SCN11A: variants seen among roughly 807,000 people sequenced by gnomAD.
SCN11A encodes the protein sodium voltage-gated channel alpha subunit 11, also known as sodium channel protein type 11 subunit alpha.
In SCN11A, 122 loss-of-function variants were observed where a neutral mutation model predicts 162.2. The ratio of observed to expected loss-of-function variants is 0.75; its 90% CI spans 0.65 to 0.87. The LOEUF is 0.87. Ranked by LOEUF, SCN11A falls within the 40% of genes least tolerant of loss-of-function variation. The probability of loss-of-function intolerance (pLI) is 0.00; values close to 1 mark genes in which losing one functional copy is unlikely to be tolerated. For missense variants in SCN11A, 2,015 were observed against 2,181.6 expected (o/e 0.92, Z 1.52); for synonymous variants, 758 against 751.5 (o/e 1.01, Z -0.14).
In SCN11A at chr3:38,904,012, G is replaced by A. The variant is rs1373723382; in HGVS notation, c.1695C>T (p.Cys565=). The change falls in exon 16 of 30, where the codon TGC becomes TGT. Residue 565 remains cysteine, a synonymous_variant. Coordinates refer to ENST00000302328, the MANE Select transcript of SCN11A (RefSeq NM_001349253.2). ...LVWNCCPQWL[C]VKKVLRTVMT... ...TCACAGTTCTCAGGACCTTCTTAAC[G>A]CACAGCCACTGGGGGCAACAGTTCC... 1.9e-6 allele frequency: 3 copies of A among 1,613,040 alleles called. No individual in the cohort carries two copies. The highest frequency in any genetic ancestry group is 1.7e-5 in the Admixed American group (1 of 59,818).
Position 38,885,380 on chromosome 3 carries a change from A to G in SCN11A, c.2972T>C (p.Leu991Pro), listed in dbSNP as rs1268207171. Reference sequence around the variant, plus strand: ...AAGATCAATGGTGCTACATTCTGATAGTATACTGGTAACATCAGACTTCTG... The same window carrying G: ...AAGATCAATGGTGCTACATTCTGATGGTATACTGGTAACATCAGACTTCTG... The part of the protein sequence containing the change: ...PRKKSDVTSI[L>P]SECSTIDLQD... Residue 991 changes from leucine (L) to proline (P), a missense_variant, in exon 21 of 30, where the codon CTA (leucine) becomes CCA (proline). Physicochemically the swap from Leu to Pro is moderately conservative, Grantham distance 98. Coordinates refer to ENST00000302328, the MANE Select transcript of SCN11A (RefSeq NM_001349253.2). The G allele has an allele frequency of 6.2e-7, 1 of 1,606,918 alleles. No homozygotes were observed. The highest frequency in any genetic ancestry group is 1.7e-5 in the Admixed American group (1 of 60,004).
intron 1 of SCN11A, among the ~76,000 whole-genome samples, chr3:39,034,378 G>T (rs775976015): frequency 1.3e-5 from 2 of 152,020 alleles, no homozygotes; most frequent in Non-Finnish European, 2.9e-5. Context: ...TTGATGCTGA[G>T]AAAGCATTTG....
chr3:39,043,991 C>T (rs186663705), intron 1 of SCN11A, among the ~76,000 whole-genome samples: 78 of 151,914 alleles, frequency 5.1e-4, no homozygotes, highest in African/African-American at 1.4e-3. Flanking sequence ...TATGTACCCA[C>T]GAAAGTTAAA....
intron 26 of SCN11A, among the ~76,000 whole-genome samples, chr3:38,870,203 T>C (rs2065102650): frequency 6.6e-6 from 1 of 152,184 alleles, no homozygotes; most frequent in African/African-American, 2.4e-5. Context: ...TTAACTAAAA[T>C]TCAACAGCTG....
At chr3:38,937,958 T>G (rs1323881030) in intron 7 of SCN11A, among the ~76,000 whole-genome samples, 1 of 152,028 alleles carries the variant, frequency 6.6e-6, no homozygotes. Flanking sequence ...CTATTCACAA[T>G]AGCAAATACT....
chr3:39,034,110 C>G (rs2031836448), intron 1 of SCN11A, among the ~76,000 whole-genome samples: 1 of 151,966 alleles, frequency 6.6e-6, no homozygotes, highest in East Asian at 1.9e-4. Flanking sequence ...TGCAGTGAGC[C>G]GAGATCGCAC....
chr3:38,931,036 G>C (rs573763822), intron 7 of SCN11A, among the ~76,000 whole-genome samples: 1 of 152,240 alleles, frequency 6.6e-6, no homozygotes, highest in African/African-American at 2.4e-5. Context: ...GCACTCTCCT[G>C]ATCTGTCTCC....
chr3:38,907,984 G>C lies in SCN11A; in HGVS notation c.1438C>G (p.Pro480Ala), dbSNP rs1182304422. 1.9e-6 allele frequency: 3 copies of C among 1,609,598 alleles called. No homozygotes were observed. In the South Asian group the frequency reaches 3.4e-5, roughly 18 times the overall value. The change falls in exon 14 of 30, where the codon CCT becomes GCT. Residue 480 changes from proline to alanine, a missense_variant. By Grantham distance (27) the Pro-to-Ala change is conservative (BLOSUM62 -1). Coordinates refer to ENST00000302328, the MANE Select transcript of SCN11A (RefSeq NM_001349253.2). ...CAATCTTCATCAGAATCTGACCCAG[G>C]AGGCTGGTCTTTCCCAGACTCTCTC... ...FLRESGKDQP[P>A]GSDSDEDCQK...
chr3:38,970,205 C>G (rs1333846847), intron 2 of SCN11A, among the ~76,000 whole-genome samples: 1 of 152,126 alleles, frequency 6.6e-6, no homozygotes, highest in Admixed American at 6.5e-5. Context: ...CTACTGGACC[C>G]TCGATTGGAT....
intron 7 of SCN11A, among the ~76,000 whole-genome samples, chr3:38,929,137 A>ACACACT (rs2066196900): frequency 1.8e-5 from 1 of 56,702 alleles, no homozygotes. Context: ...CTGTGCACGC[A>ACACACT]CACACACACA....
intron 2 of SCN11A, among the ~76,000 whole-genome samples, chr3:38,983,714 G>A (rs2030138141): frequency 6.6e-6 from 1 of 152,158 alleles, no homozygotes; most frequent in Admixed American, 6.5e-5. Flanking sequence ...TTAAGTTTCT[G>A]GTTCTAGTCC....
intron 5 of SCN11A, among the ~76,000 whole-genome samples, chr3:38,949,403 C>A (rs2066566374): frequency 6.6e-6 from 1 of 152,244 alleles, no homozygotes; most frequent in Non-Finnish European, 1.5e-5. Context: ...GATAAAATAG[C>A]AAGGCTTTCA....
chr3:39,037,590 AC>A (rs200737024), intron 1 of SCN11A, among the ~76,000 whole-genome samples: 2,183 of 152,258 alleles, frequency 0.014, 21 homozygotes, highest in Non-Finnish European at 0.018. Context: ...TATCTCATGT[AC>A]CTCATAAATA....
At chr3:39,018,819 AAAATAAAT>A (rs752906931) in intron 2 of SCN11A, among the ~76,000 whole-genome samples, 1 of 152,108 alleles carries the variant, frequency 6.6e-6, no homozygotes, top group East Asian at 1.9e-4. Flanking sequence ...CACTGTCTCA[AAAATAAAT>A]AAATAAATAA....
chr3:38,988,891 T>C (rs922012862), intron 2 of SCN11A, among the ~76,000 whole-genome samples: 5 of 152,132 alleles, frequency 3.3e-5, no homozygotes. Flanking sequence ...GATGGGGTCA[T>C]AGGAGAATAA....
At position 38,897,219 on chromosome 3, in the gene SCN11A, C is replaced by A; in HGVS notation, c.2029G>T (p.Val677Phe). ...GGCCAGGATTTGGCTAACTTGAAGACCCTGAGCTGTAGAAAAAGACAACAA... is the reference window on the plus strand; with the variant it reads ...GGCCAGGATTTGGCTAACTTGAAGAACCTGAGCTGTAGAAAAAGACAACAA... ...PFLRSFRVLR[V>F]FKLAKSWPTL... The change falls in exon 18 of 30, where the codon GTC (valine) becomes TTC (phenylalanine). Residue 677 changes from valine to phenylalanine, a missense_variant. Transcript: ENST00000302328. 1.9e-6 allele frequency: 3 copies of A among 1,587,536 alleles called. No individual in the cohort carries two copies. Among genetic ancestry groups the A allele is most frequent in the Non-Finnish European group, 2.6e-6 (3 of 1,170,062 alleles).
At chr3:38,858,221 G>T (rs1276602834) in intron 28 of SCN11A, among the ~76,000 whole-genome samples, 3 of 152,062 alleles carry the variant, frequency 2.0e-5, no homozygotes, top group Non-Finnish European at 4.4e-5. Flanking sequence ...CCATTTAAAA[G>T]ACATAGAATT....
At chr3:38,932,552 G>A (rs1045074395) in intron 7 of SCN11A, among the ~76,000 whole-genome samples, 7 of 152,182 alleles carry the variant, frequency 4.6e-5, no homozygotes, top group African/African-American at 1.4e-4. Flanking sequence ...TTAAAAAATG[G>A]CGCACCAGGA....
intron 7 of SCN11A, among the ~76,000 whole-genome samples, chr3:38,936,298 G>A (rs1476716087): frequency 2.0e-4 from 31 of 151,498 alleles, no homozygotes; most frequent in African/African-American, 6.3e-4. Flanking sequence ...CATTCCCTTT[G>A]AAAACTGGCA....
Sources: gnomAD v4.1 joint callset for allele counts (sites outside exome capture counted in the v4.1 genomes callset) on GRCh38, gnomAD v4.1.1 for gene constraint, MANE v1.5 for transcripts, NCBI Gene and HGNC (gene_info 2026-07-23, HGNC 2026-07-21) for gene names.